NRG1: variants seen among roughly 807,000 people sequenced by gnomAD.
The protein encoded by NRG1 is pro-neuregulin-1, membrane-bound isoform.
Under a neutral mutation model 63.8 loss-of-function variants are expected in NRG1, and 18 were observed. The ratio of observed to expected loss-of-function variants is 0.28; its 90% CI spans 0.19 to 0.42. The LOEUF (loss-of-function observed/expected upper bound fraction) is 0.42. Ranked by LOEUF, NRG1 falls within the 10% of genes least tolerant of loss-of-function variation. The pLI is 1.00. For missense variants in NRG1, 762 were observed against 814.7 expected (o/e 0.94, Z 0.79); for synonymous variants, 302 against 301.3 (o/e 1.00, Z -0.02).
chr8:31,639,983 C>A, intron 1 of NRG1: 1 of 1,128,728 alleles, frequency 8.9e-7, no homozygotes, highest in Non-Finnish European at 1.1e-6. Flanking sequence ...GCACCTCGCA[C>A]CATGAGATGG....
At chr8:32,209,684 G>A (rs1337615323) in intron 1 of NRG1, among the ~76,000 whole-genome samples, 2 of 152,042 alleles carry the variant, frequency 1.3e-5, no homozygotes, top group Non-Finnish European at 2.9e-5. Context: ...TCACCCACAT[G>A]TGAATTTCTT....
intron 1 of NRG1, among the ~76,000 whole-genome samples, chr8:32,562,090 C>CAGATCCTT (rs1483256257): frequency 6.6e-6 from 1 of 152,104 alleles, no homozygotes; most frequent in Non-Finnish European, 1.5e-5. Flanking sequence ...CAGGAAGACA[C>CAGATCCTT]AGATCCTTTG....
chr8:32,025,831 C>G (rs940918570), intron 1 of NRG1, among the ~76,000 whole-genome samples: 1 of 151,072 alleles, frequency 6.6e-6, no homozygotes, highest in Admixed American at 6.6e-5. Context: ...GCCTGTAGTC[C>G]CAGCTACTCG....
At chr8:32,158,447 T>TTATATATATATATATATATATATA (rs1563852043) in intron 1 of NRG1, among the ~76,000 whole-genome samples, 5 of 30,256 alleles carry the variant, frequency 1.7e-4, no homozygotes, top group Non-Finnish European at 2.8e-4. Context: ...TTGGTTTACA[T>TTATATATATATATATATATATATA]GATATATATA....
chr8:32,430,980 A>G (rs972970531), intron 1 of NRG1, among the ~76,000 whole-genome samples: 2 of 152,176 alleles, frequency 1.3e-5, no homozygotes, highest in Admixed American at 6.5e-5. Context: ...AATAATAACT[A>G]GCATTTATTG....
intron 1 of NRG1, among the ~76,000 whole-genome samples, chr8:32,298,465 A>G (rs1393030081): frequency 1.3e-5 from 2 of 152,144 alleles, no homozygotes; most frequent in Non-Finnish European, 2.9e-5. Flanking sequence ...TAAAGCACAG[A>G]TTAACTTTGG....
intron 1 of NRG1, among the ~76,000 whole-genome samples, chr8:32,550,940 C>T (rs1465113429): frequency 6.6e-6 from 1 of 152,160 alleles, no homozygotes; most frequent in African/African-American, 2.4e-5. Flanking sequence ...TTACCCCCTT[C>T]GAAGCATCTT....
intron 7 of NRG1, among the ~76,000 whole-genome samples, chr8:32,753,923 GT>G (rs891737596): frequency 1.3e-5 from 2 of 152,122 alleles, no homozygotes; most frequent in Middle Eastern, 3.2e-3. Context: ...GAAGGAGGAA[GT>G]GGGGGGCGCC....
chr8:31,951,950 G>A (rs372445105), intron 1 of NRG1, among the ~76,000 whole-genome samples: 173 of 152,166 alleles, frequency 1.1e-3, no homozygotes, highest in African/African-American at 3.9e-3. Context: ...CACTCACATA[G>A]CCCTGGTGAC....
intron 1 of NRG1, among the ~76,000 whole-genome samples, chr8:32,145,363 G>T (rs1026943701): frequency 6.6e-6 from 1 of 152,116 alleles, no homozygotes; most frequent in African/African-American, 2.4e-5. Context: ...TTTTCAAGAT[G>T]AAGAGGGCAC....
At chr8:32,176,239 A>G (rs1585857164) in intron 1 of NRG1, among the ~76,000 whole-genome samples, 1 of 152,358 alleles carries the variant, frequency 6.6e-6, no homozygotes, top group East Asian at 1.9e-4. Flanking sequence ...AGGATTCCCT[A>G]TTTAATAAAT....
At chr8:31,831,579 C>T (rs4504593) in intron 1 of NRG1, among the ~76,000 whole-genome samples, 102,129 of 152,076 alleles carry the variant, frequency 0.67, 34,989 homozygotes, top group East Asian at 0.95. Flanking sequence ...CATGTGAAAC[C>T]TGGCCTGCTA....
At chr8:32,092,777 G>T (rs925752067) in intron 1 of NRG1, among the ~76,000 whole-genome samples, 3 of 152,128 alleles carry the variant, frequency 2.0e-5, no homozygotes, top group Admixed American at 2.0e-4. Context: ...CGGAGATAAA[G>T]AAGTTCCAAT....
At chr8:32,164,063 T>C (rs1048001288) in intron 1 of NRG1, among the ~76,000 whole-genome samples, 1 of 152,184 alleles carries the variant, frequency 6.6e-6, no homozygotes, top group Non-Finnish European at 1.5e-5. Flanking sequence ...CATTTCTCAT[T>C]TTTGTTCTCT....
At chr8:32,571,713 G>C (rs899858974) in intron 1 of NRG1, among the ~76,000 whole-genome samples, 1 of 151,824 alleles carries the variant, frequency 6.6e-6, no homozygotes, top group African/African-American at 2.4e-5. Flanking sequence ...TCAAAACTCT[G>C]TTTCATCTTT....
chr8:31,672,320 T>C (rs945146222), intron 1 of NRG1, among the ~76,000 whole-genome samples: 1 of 152,136 alleles, frequency 6.6e-6, no homozygotes, highest in Non-Finnish European at 1.5e-5. Flanking sequence ...TTCCCAGAAC[T>C]AGAGAGTTCT....
At chr8:32,426,813 G>A (rs1817435660) in intron 1 of NRG1, among the ~76,000 whole-genome samples, 1 of 152,174 alleles carries the variant, frequency 6.6e-6, no homozygotes, top group Admixed American at 6.5e-5. Flanking sequence ...ACACCGTAAT[G>A]TCAGTACAGC....
intron 1 of NRG1, among the ~76,000 whole-genome samples, chr8:32,364,014 T>A (rs1272893865): frequency 6.6e-6 from 1 of 151,134 alleles, no homozygotes; most frequent in Non-Finnish European, 1.5e-5. Context: ...GAACAAAAAA[T>A]GTACTATAAT....
chr8:32,265,014 C>T (rs1042940496), intron 1 of NRG1, among the ~76,000 whole-genome samples: 23 of 152,226 alleles, frequency 1.5e-4, no homozygotes, highest in Non-Finnish European at 2.1e-4. Flanking sequence ...TACTATGTGA[C>T]GATGACATTT....
Sources: allele counts gnomAD v4.1 joint callset (sites outside exome capture counted in the v4.1 genomes callset), GRCh38; gene constraint gnomAD v4.1.1; transcripts MANE v1.5; gene names NCBI Gene and HGNC (gene_info 2026-07-23, HGNC 2026-07-21).